The following PARP8 variants were observed in gnomAD, a reference collection of about 807,000 sequenced individuals.
The protein encoded by PARP8 is protein mono-ADP-ribosyltransferase PARP8.
Under a neutral mutation model 124.1 loss-of-function variants are expected in PARP8, and 51 were observed. That is an observed-to-expected ratio of 0.41 (90% confidence interval 0.33 to 0.52). The LOEUF is 0.52. Ranked by LOEUF, PARP8 falls within the 20% of genes least tolerant of loss-of-function variation. The pLI is 0.21. For synonymous variants in PARP8, 391 were observed against 361.5 expected (o/e 1.08, Z -0.93); for missense variants, 860 against 1,018.9 (o/e 0.84, Z 2.12).
intron 2 of PARP8, among the ~76,000 whole-genome samples, chr5:50,692,218 A>C (rs559433253): frequency 6.6e-6 from 1 of 152,172 alleles, no homozygotes; most frequent in African/African-American, 2.4e-5. Flanking sequence ...TTGTCATGTC[A>C]TTCAAAAGTG....
intron 3 of PARP8, among the ~76,000 whole-genome samples, chr5:50,754,133 A>G (rs1580213192): frequency 7.9e-5 from 1 of 12,694 alleles, no homozygotes; most frequent in Non-Finnish European, 1.5e-4. Context: ...ATATATATAT[A>G]TATATATATA....
Position 50,846,243 on chromosome 5 carries a change from G to T in PARP8, c.*4175G>T, listed in dbSNP as rs1748603715. ...ATGCCTATGTTTCTTTAACTATACA[G>T]CCTCTTTACAATAAATTTCTTGATT... On this transcript the variant is annotated 3_prime_UTR_variant, in exon 26 of 26. Coordinates refer to ENST00000281631, the MANE Select transcript of PARP8 (RefSeq NM_024615.4). 1 of 151,644 alleles carries T rather than the reference G, an allele frequency of 6.6e-6. No individual in the cohort carries two copies. Among genetic ancestry groups the T allele is most frequent in the Non-Finnish European group, 1.5e-5 (1 of 67,764 alleles). 9.4% of individuals were successfully genotyped at this position (151,644 alleles called of 1,614,324 possible).
At chr5:50,826,709 A>G in intron 18 of PARP8, 46 bp from the exon 19 acceptor site, 1 of 1,541,416 alleles carries the variant, frequency 6.5e-7, no homozygotes, top group Non-Finnish European at 8.7e-7. Context: ...AGAACTTTAA[A>G]TATATTTGGC....
chr5:50,691,627 A>AT (rs1191085107), intron 2 of PARP8, among the ~76,000 whole-genome samples: 1 of 152,146 alleles, frequency 6.6e-6, no homozygotes, highest in Non-Finnish European at 1.5e-5. Context: ...CATTCCAGAG[A>AT]TCCCCCAAAT....
chr5:50,763,082 A>G, intron 6 of PARP8, 66 bp from the exon 7 acceptor site: 1 of 1,262,152 alleles, frequency 7.9e-7, no homozygotes, highest in South Asian at 1.2e-5. Context: ...ACCTGTCTCA[A>G]AAGGTTGCTT....
chr5:50,668,334 C>T (rs896584904), intron 2 of PARP8: 1 of 589,406 alleles, frequency 1.7e-6, no homozygotes, highest in Non-Finnish European at 3.0e-6. Flanking sequence ...GAGGACCACG[C>T]CACAGGCAAT....
In PARP8 at chr5:50,760,312, A is replaced by T; in HGVS notation, c.295A>T (p.Ile99Phe). The change falls in exon 5 of 26, where the codon ATT (isoleucine) becomes TTT (phenylalanine). Residue 99 changes from isoleucine (I) to phenylalanine (F), a missense_variant. Coordinates refer to ENST00000281631, the MANE Select transcript of PARP8 (RefSeq NM_024615.4). ...IATELRKTNDINCCLSIKSKL... is the reference protein window; with the variant it reads ...IATELRKTNDFNCCLSIKSKL... Reference sequence around the variant, plus strand: ...TTCAGAATTAAGAAAAACAAATGACATTAACTGTTGCTTATCCATAAAATC... The same window carrying T: ...TTCAGAATTAAGAAAAACAAATGACTTTAACTGTTGCTTATCCATAAAATC... 1 of 1,528,534 alleles carries T rather than the reference A, an allele frequency of 6.5e-7. No individual in the cohort carries two copies. Among genetic ancestry groups the T allele is most frequent in the Admixed American group, 1.9e-5 (1 of 53,142 alleles). 94.7% of individuals were successfully genotyped at this position (1,528,534 alleles called of 1,614,324 possible).
intron 3 of PARP8, 129 bp downstream of exon 3, chr5:50,750,317 A>G (rs191606688): frequency 2.2e-4 from 161 of 722,272 alleles, no homozygotes; most frequent in African/African-American, 7.5e-4. Context: ...CCTTAAAGCT[A>G]TAGAAGAATT....
chr5:50,821,381 A>G (rs1745749723), intron 16 of PARP8, 43 bp downstream of exon 16: 1 of 1,601,056 alleles, frequency 6.2e-7, no homozygotes, highest in Non-Finnish European at 8.6e-7. Flanking sequence ...GTTTTCTTTA[A>G]CAATAACAAC....
intron 7 of PARP8, among the ~76,000 whole-genome samples, chr5:50,774,501 G>A (rs552255028): frequency 8.0e-4 from 117 of 146,846 alleles, no homozygotes; most frequent in African/African-American, 2.9e-3. Context: ...CCGGGCAGAG[G>A]CGCTCCTCAC....
At chr5:50,708,765 G>A (rs1754421002) in intron 2 of PARP8, among the ~76,000 whole-genome samples, 2 of 150,902 alleles carry the variant, frequency 1.3e-5, no homozygotes, top group African/African-American at 4.9e-5. Flanking sequence ...CCTGTCTTAG[G>A]AATTTTTTTT....
At chr5:50,782,868 A>G (rs1390397255) in intron 9 of PARP8, among the ~76,000 whole-genome samples, 1 of 152,190 alleles carries the variant, frequency 6.6e-6, no homozygotes, top group Non-Finnish European at 1.5e-5. Flanking sequence ...GAAAAACAGG[A>G]TGGTGAGGCT....
intron 2 of PARP8, among the ~76,000 whole-genome samples, chr5:50,735,956 T>TTC (rs1554052160): frequency 2.2e-5 from 3 of 134,434 alleles, no homozygotes; most frequent in African/African-American, 5.7e-5. Flanking sequence ...TCTAGGGGAT[T>TTC]CCCCCCCCCC....
chr5:50,672,380 A>G lies in PARP8; in HGVS notation c.146+4255A>G, dbSNP rs902286448. On this transcript the variant is annotated intron_variant, in intron 2 of 25. Transcript: ENST00000281631. ...GTAAGTAGGTGTTGAATGACTTACA[A>G]AATGAATGCTAAAAGACCTGGCAGA... 1.3e-4 allele frequency among the ~76,000 whole-genome samples: 20 copies of G among 152,338 alleles called. No homozygotes were observed. In the East Asian group the frequency reaches 3.9e-3, roughly 29 times the overall value.
intron 2 of PARP8, among the ~76,000 whole-genome samples, chr5:50,743,949 G>T (rs1758295981): frequency 6.6e-6 from 1 of 152,080 alleles, no homozygotes; most frequent in South Asian, 2.1e-4. Context: ...GTTTATTGGA[G>T]AAATTGTTTT....
rs115217916 is a variant in PARP8, at chr5:50,711,539, G to A, written c.147-38612G>A. On this transcript the variant is annotated intron_variant, in intron 2 of 25. Transcript: ENST00000281631. ...TGGGACTGCAGCACCTGTCATGTGG[G>A]CCACACGGGAAGTTAGCCCAGATGT... Among the ~76,000 whole-genome samples, 1,234 of 152,168 alleles carry A rather than the reference G, an allele frequency of 8.1e-3. 8 individuals are homozygous for A. The highest frequency in any genetic ancestry group is 0.013 in the Non-Finnish European group (901 of 68,002).
rs576758843 is a variant in PARP8, at chr5:50,672,835, G to C, written c.146+4710G>C. On this transcript the variant is annotated intron_variant, in intron 2 of 25. Coordinates refer to ENST00000281631, the MANE Select transcript of PARP8 (RefSeq NM_024615.4). The stretch of plus-strand genomic sequence containing the variant: ...TTTCTTTGGAGTTCCCCAGAAAGGA[G>C]AAGTGTATGTGTGTGCAGGGGTGAG... Among the ~76,000 whole-genome samples, 18 of 152,208 alleles carry C rather than the reference G, an allele frequency of 1.2e-4. 1 individual carries two copies. Among genetic ancestry groups the C allele is most frequent in the African/African-American group, 4.3e-4 (18 of 41,540 alleles).
intron 2 of PARP8, among the ~76,000 whole-genome samples, chr5:50,747,882 C>T (rs1320696804): frequency 1.3e-5 from 2 of 148,796 alleles, no homozygotes; most frequent in African/African-American, 2.5e-5. Context: ...ACGCCATTCT[C>T]CTGCCCCAGC....
intron 2 of PARP8, among the ~76,000 whole-genome samples, chr5:50,670,865 C>T (rs1219212592): frequency 6.6e-6 from 1 of 152,176 alleles, no homozygotes; most frequent in African/African-American, 2.4e-5. Context: ...TTGAGAGTTA[C>T]AGTTTAAAGA....
Sources: gnomAD v4.1 joint callset for allele counts (sites outside exome capture counted in the v4.1 genomes callset) on GRCh38, gnomAD v4.1.1 for gene constraint, MANE v1.5 for transcripts, NCBI Gene and HGNC (gene_info 2026-07-23, HGNC 2026-07-21) for gene names.